WWOX: variants seen among roughly 807,000 people sequenced by gnomAD.
WWOX encodes WW domain-containing oxidoreductase.
WWOX carries 69 observed loss-of-function variants against 46.2 expected under a neutral mutation model. The observed-to-expected ratio is 1.49, with a 90% CI of 1.23 to 1.82. The LOEUF (loss-of-function observed/expected upper bound fraction) is 1.82. WWOX is among the 40% of genes most tolerant of loss of function. The pLI is 0.00. For missense variants in WWOX, 919 were observed against 542.6 expected, an observed-to-expected ratio of 1.69 and a Z score of -6.89; for synonymous variants, 359 against 202.6, an observed-to-expected ratio of 1.77 and a Z score of -6.56.
At chr16:78,887,853 TTGG>T (rs749626541) in intron 8 of WWOX, among the ~76,000 whole-genome samples, 60 of 152,334 alleles carry the variant, frequency 3.9e-4, no homozygotes, top group Non-Finnish European at 7.9e-4. Flanking sequence ...TTAACAGTAA[TTGG>T]TTCATGTCCT....
At chr16:78,375,202 C>G (rs1284189807) in intron 5 of WWOX, among the ~76,000 whole-genome samples, 2 of 152,246 alleles carry the variant, frequency 1.3e-5, no homozygotes, top group South Asian at 2.1e-4. Context: ...CGTCATTTCT[C>G]AAGCGTGACG....
intron 5 of WWOX, among the ~76,000 whole-genome samples, chr16:78,384,486 G>A (rs1016503148): frequency 1.3e-5 from 2 of 152,060 alleles, no homozygotes; most frequent in Middle Eastern, 3.2e-3. Flanking sequence ...TGAGGGTTCT[G>A]CTCCTCATCT....
chr16:78,843,141 A>G (rs144979778), intron 8 of WWOX, among the ~76,000 whole-genome samples: 43 of 149,998 alleles, frequency 2.9e-4, no homozygotes, highest in African/African-American at 8.9e-4. Context: ...AGTGCATTCA[A>G]TGGAGTGTGT....
At chr16:78,490,030 C>T (rs369651831) in intron 8 of WWOX, among the ~76,000 whole-genome samples, 10 of 151,972 alleles carry the variant, frequency 6.6e-5, no homozygotes, top group Non-Finnish European at 1.3e-4. Flanking sequence ...AAATACGGAG[C>T]GACATAATTA....
chr16:78,457,148 C>G (rs542645988), intron 8 of WWOX, among the ~76,000 whole-genome samples: 1 of 152,320 alleles, frequency 6.6e-6, no homozygotes, highest in East Asian at 1.9e-4. Flanking sequence ...GTGTCTGTGT[C>G]TGCACCCTTT....
intron 8 of WWOX, among the ~76,000 whole-genome samples, chr16:78,966,726 C>T (rs2046369231): frequency 6.6e-6 from 1 of 152,112 alleles, no homozygotes; most frequent in African/African-American, 2.4e-5. Flanking sequence ...AAATATATTG[C>T]AAAACTCTTT....
chr16:78,425,152 T>TGCTTGAGACATGTGGGTGGACTCA, intron 7 of WWOX, 97 bp downstream of exon 7: 1 of 1,518,366 alleles, frequency 6.6e-7, no homozygotes, highest in South Asian at 1.1e-5. Flanking sequence ...TCATTAGTCC[T>TGCTTGAGACATGTGGGTGGACTCA]GCTTGAGACA....
intron 8 of WWOX, among the ~76,000 whole-genome samples, chr16:78,936,373 A>G (rs2045737656): frequency 2.6e-5 from 4 of 152,124 alleles, no homozygotes; most frequent in Admixed American, 2.6e-4. Flanking sequence ...GAAGACCCCA[A>G]AACTAACCCA....
intron 8 of WWOX, among the ~76,000 whole-genome samples, chr16:78,474,974 T>C (rs992101036): frequency 6.6e-6 from 1 of 152,220 alleles, no homozygotes; most frequent in African/African-American, 2.4e-5. Flanking sequence ...ATTTAATTTA[T>C]TTAGGCACGC....
chr16:78,923,849 G>C (rs1318537835), intron 8 of WWOX, among the ~76,000 whole-genome samples: 2 of 145,880 alleles, frequency 1.4e-5, no homozygotes, highest in Non-Finnish European at 3.0e-5. Flanking sequence ...GCCCAGGCTG[G>C]AGTGCAGTGG....
At chr16:79,163,432 A>G (rs971955982) in intron 8 of WWOX, among the ~76,000 whole-genome samples, 2 of 152,216 alleles carry the variant, frequency 1.3e-5, no homozygotes, top group East Asian at 1.9e-4. Flanking sequence ...TCTGAGCTCT[A>G]TAAGAGATAA....
At chr16:79,039,171 T>A (rs1210776132) in intron 8 of WWOX, among the ~76,000 whole-genome samples, 2 of 152,202 alleles carry the variant, frequency 1.3e-5, no homozygotes, top group Non-Finnish European at 2.9e-5. Flanking sequence ...CAGGTGATGC[T>A]CATGTTACGG....
At chr16:78,523,816 C>G (rs553306880) in intron 8 of WWOX, among the ~76,000 whole-genome samples, 3 of 152,304 alleles carry the variant, frequency 2.0e-5, no homozygotes, top group Non-Finnish European at 2.9e-5. Flanking sequence ...CACACACTCC[C>G]TTTAGGAGGC....
intron 8 of WWOX, among the ~76,000 whole-genome samples, chr16:78,663,994 T>C (rs982456469): frequency 3.9e-5 from 6 of 152,204 alleles, no homozygotes; most frequent in Non-Finnish European, 5.9e-5. Context: ...CCTTGACTTA[T>C]GGTGATCACT....
At chr16:78,210,091 A>G (rs1567430148) in intron 5 of WWOX, among the ~76,000 whole-genome samples, 1 of 152,228 alleles carries the variant, frequency 6.6e-6, no homozygotes, top group African/African-American at 2.4e-5. Context: ...TGTGAGCTGA[A>G]GTTCCAGACG....
chr16:79,165,247 C>T (rs1282458171), intron 8 of WWOX, among the ~76,000 whole-genome samples: 2 of 151,966 alleles, frequency 1.3e-5, no homozygotes, highest in Non-Finnish European at 2.9e-5. Context: ...GTAACGGCTT[C>T]CGGCATCCAA....
chr16:78,912,546 G>C (rs895274337), intron 8 of WWOX, among the ~76,000 whole-genome samples: 1 of 152,016 alleles, frequency 6.6e-6, no homozygotes, highest in African/African-American at 2.4e-5. Context: ...TGAGTGCCTT[G>C]TTGGAGACAA....
chr16:78,915,804 A>G (rs1222795798), intron 8 of WWOX, among the ~76,000 whole-genome samples: 1 of 152,160 alleles, frequency 6.6e-6, no homozygotes, highest in East Asian at 1.9e-4. Context: ...ATGTGTTTAT[A>G]ACTCTCAAAT....
chr16:79,189,942 G>C lies in WWOX; in HGVS notation c.1057-21666G>C, dbSNP rs527402401. Among the ~76,000 whole-genome samples the C allele has an allele frequency of 3.9e-3, 585 of 148,466 alleles. 3 individuals carry two copies. Among genetic ancestry groups the C allele is most frequent in the African/African-American group, 0.013 (545 of 40,620 alleles). The stretch of plus-strand genomic sequence containing the variant: ...CTGGTATGGGGTGGGGAAGGGGGGG[G>C]GGATAAAGATATTAATTTGGAAGCA... On this transcript the variant is annotated intron_variant, in intron 8 of 8. Coordinates refer to ENST00000566780, the MANE Select transcript of WWOX (RefSeq NM_016373.4).
Sources: gnomAD v4.1 joint callset for allele counts (sites outside exome capture counted in the v4.1 genomes callset) on GRCh38, gnomAD v4.1.1 for gene constraint, MANE v1.5 for transcripts, NCBI Gene and HGNC (gene_info 2026-07-23, HGNC 2026-07-21) for gene names.